CAMKMT: variants seen among roughly 807,000 people sequenced by gnomAD.
CAMKMT encodes CaM KMT.
A neutral mutation model predicts 48.0 loss-of-function variants in CAMKMT; 53 were observed. The ratio of observed to expected loss-of-function variants is 1.10; its 90% CI spans 0.89 to 1.39. The LOEUF is 1.39. Among genes scored for constraint, CAMKMT ranks in the 40% most tolerant of loss-of-function variants. The pLI is 0.00. For missense variants in CAMKMT, 428 were observed against 402.7 expected, an observed-to-expected ratio of 1.06 and a Z score of -0.54; for synonymous variants, 165 against 152.3, an observed-to-expected ratio of 1.08 and a Z score of -0.61.
intron 3 of CAMKMT, among the ~76,000 whole-genome samples, chr2:44,499,007 A>G (rs1669886316): frequency 6.6e-6 from 1 of 152,204 alleles, no homozygotes; most frequent in Non-Finnish European, 1.5e-5. Flanking sequence ...GAGGGTAAAA[A>G]TATAGATGAT....
intron 1 of CAMKMT, among the ~76,000 whole-genome samples, chr2:44,372,019 C>T (rs1679227231): frequency 6.6e-6 from 1 of 152,124 alleles, no homozygotes; most frequent in Admixed American, 6.5e-5. Flanking sequence ...ACTCAATATA[C>T]CTCCCCATTC....
chr2:44,658,504 G>A (rs1055544415), intron 3 of CAMKMT, among the ~76,000 whole-genome samples: 7 of 152,188 alleles, frequency 4.6e-5, no homozygotes, highest in South Asian at 2.1e-4. Context: ...TTACAAAAGC[G>A]TGACGTCGCG....
intron 3 of CAMKMT, among the ~76,000 whole-genome samples, chr2:44,588,291 C>A (rs1172032607): frequency 1.7e-4 from 11 of 66,116 alleles, no homozygotes; most frequent in Admixed American, 3.5e-4. Flanking sequence ...GCAGCCACCC[C>A]GTCCGGGAGG....
intron 3 of CAMKMT, among the ~76,000 whole-genome samples, chr2:44,523,292 CTTTT>C (rs869152391): frequency 1.5e-5 from 2 of 131,260 alleles, no homozygotes. Flanking sequence ...AGGGGACCCA[CTTTT>C]TTTTTTTTTT....
chr2:44,701,543 TA>T (rs1235657815), intron 3 of CAMKMT, among the ~76,000 whole-genome samples: 2 of 152,200 alleles, frequency 1.3e-5, no homozygotes, highest in Admixed American at 6.6e-5. Flanking sequence ...TCTGACCAGA[TA>T]TCCCATTTCC....
At chr2:44,397,670 TG>T (rs1361201358) in intron 3 of CAMKMT, among the ~76,000 whole-genome samples, 1 of 152,194 alleles carries the variant, frequency 6.6e-6, no homozygotes, top group African/African-American at 2.4e-5. Flanking sequence ...AAGACACATT[TG>T]TTATCAATTA....
intron 3 of CAMKMT, among the ~76,000 whole-genome samples, chr2:44,522,037 C>G: frequency 6.7e-6 from 1 of 150,330 alleles, no homozygotes; most frequent in Non-Finnish European, 1.5e-5. Flanking sequence ...CAGACTCTCA[C>G]TCTGTCACCA....
intron 3 of CAMKMT, among the ~76,000 whole-genome samples, chr2:44,502,603 A>T (rs1160295963): frequency 6.6e-6 from 1 of 152,184 alleles, no homozygotes; most frequent in Non-Finnish European, 1.5e-5. Flanking sequence ...TTTTTAGAGG[A>T]GAACATTTCA....
chr2:44,535,458 T>A (rs1404892154), intron 3 of CAMKMT, among the ~76,000 whole-genome samples: 1 of 152,148 alleles, frequency 6.6e-6, no homozygotes, highest in East Asian at 1.9e-4. Flanking sequence ...CAGGCCAATA[T>A]TTCTGATGAA....
At chr2:44,445,761 T>C (rs1360293253) in intron 3 of CAMKMT, among the ~76,000 whole-genome samples, 4 of 149,562 alleles carry the variant, frequency 2.7e-5, no homozygotes, top group Non-Finnish European at 4.4e-5. Flanking sequence ...TTTTGAGTTG[T>C]CCTCAGCCCC....
intron 3 of CAMKMT, among the ~76,000 whole-genome samples, chr2:44,516,584 T>G (rs1670843855): frequency 6.6e-6 from 1 of 152,160 alleles, no homozygotes; most frequent in African/African-American, 2.4e-5. Context: ...TACTATTAAC[T>G]CATTACCCTT....
At position 44,494,790 on chromosome 2, in the gene CAMKMT, A is replaced by G. The variant is rs879407055; in HGVS notation, c.376+104485A>G. On this transcript the variant is annotated intron_variant, in intron 3 of 10. Transcript: ENST00000378494. ...TTATTATTAGTAAATTAGAAAATTT[A>G]AAAACATCCCCAGGAAGCTTTCTCT... Among the ~76,000 whole-genome samples the G allele has an allele frequency of 2.4e-4, 37 of 152,368 alleles. No homozygotes were observed. In the Middle Eastern group the frequency reaches 0.01, roughly 42 times the overall value.
intron 3 of CAMKMT, among the ~76,000 whole-genome samples, chr2:44,585,890 A>G (rs1038550216): frequency 2.2e-4 from 33 of 152,246 alleles, no homozygotes; most frequent in Non-Finnish European, 4.0e-4. Context: ...AAAGGGGAAT[A>G]TGATTTGCAA....
intron 3 of CAMKMT, among the ~76,000 whole-genome samples, chr2:44,425,045 A>G (rs900117969): frequency 1.3e-5 from 2 of 152,238 alleles, no homozygotes; most frequent in African/African-American, 2.4e-5. Flanking sequence ...CTCCTGTAAT[A>G]TTCACAATTA....
chr2:44,623,731 C>A (rs930363221), intron 3 of CAMKMT, among the ~76,000 whole-genome samples: 2 of 152,042 alleles, frequency 1.3e-5, no homozygotes, highest in African/African-American at 4.8e-5. Flanking sequence ...CCAGTGTAAA[C>A]ACCACTCCAA....
chr2:44,556,747 G>T (rs1668034264), intron 3 of CAMKMT, among the ~76,000 whole-genome samples: 1 of 37,488 alleles, frequency 2.7e-5, no homozygotes, highest in East Asian at 3.3e-4. Context: ...GGGATTACAG[G>T]CGTGAGCCAC....
In CAMKMT at chr2:44,706,333, G is replaced by T. The variant is rs1312654210; in HGVS notation, c.484G>T (p.Gly162Trp). 1.2e-6 allele frequency: 2 copies of T among 1,613,236 alleles called. No individual in the cohort carries two copies. Among genetic ancestry groups the T allele is most frequent in the African/African-American group, 2.7e-5 (2 of 74,830 alleles). The part of the protein sequence containing the change: ...ELGGGMTCLA[G>W]LMVAISADVK... ...AGGGGGTGGCATGACATGCTTGGCT[G>T]GGCTCATGGTAGGTCTTTTCTCCAT... The change falls in exon 5 of 11, where the codon GGG (glycine) becomes TGG (tryptophan). Residue 162 changes from glycine to tryptophan, a missense_variant. By Grantham distance (184) the Gly-to-Trp change is radical. Transcript: ENST00000378494.
intron 3 of CAMKMT, among the ~76,000 whole-genome samples, chr2:44,605,771 A>G (rs1572903431): frequency 6.6e-6 from 1 of 152,054 alleles, no homozygotes; most frequent in Admixed American, 6.6e-5. Context: ...TGCTTGTCCT[A>G]ATTCCTTTGA....
At chr2:44,658,970 A>G (rs1472345889) in intron 3 of CAMKMT, among the ~76,000 whole-genome samples, 5 of 150,316 alleles carry the variant, frequency 3.3e-5, no homozygotes, top group African/African-American at 1.2e-4. Context: ...CCCTCCTCCA[A>G]TTCCCCCTTA....
Sources: gnomAD v4.1 joint callset for allele counts (sites outside exome capture counted in the v4.1 genomes callset) on GRCh38, gnomAD v4.1.1 for gene constraint, MANE v1.5 for transcripts, NCBI Gene and HGNC (gene_info 2026-07-23, HGNC 2026-07-21) for gene names.